The following KIAA1671 variants were observed in gnomAD, a reference collection of about 807,000 sequenced individuals.
The protein encoded by KIAA1671 is KIAA1671.
Under a neutral mutation model 131.2 loss-of-function variants are expected in KIAA1671, and 52 were observed. The observed-to-expected ratio is 0.40, with a 90% CI of 0.32 to 0.50. KIAA1671 has a LOEUF of 0.50. Ranked by LOEUF, KIAA1671 falls within the 20% of genes least tolerant of loss-of-function variation. KIAA1671 has a pLI of 0.73. For missense variants in KIAA1671, 2,360 were observed against 2,364.2 expected, an observed-to-expected ratio of 1.00 and a Z score of 0.04; for synonymous variants, 1,003 against 961.6, an observed-to-expected ratio of 1.04 and a Z score of -0.80.
At chr22:24,978,132 C>G (rs1923008975) in intron 1 of KIAA1671, among the ~76,000 whole-genome samples, 1 of 152,142 alleles carries the variant, frequency 6.6e-6, no homozygotes, top group Admixed American at 6.5e-5. Flanking sequence ...GGCTCTGTGT[C>G]CCCACCCAGA....
At position 25,174,287 on chromosome 22, in the gene KIAA1671, A is replaced by G; in HGVS notation, c.4697A>G (p.Gln1566Arg). 2.6e-6 allele frequency: 4 copies of G among 1,551,694 alleles called. No homozygotes were observed. The highest frequency in any genetic ancestry group is 3.5e-6 in the Non-Finnish European group (4 of 1,146,994). The change falls in exon 8 of 13, where the codon CAG becomes CGG. Residue 1566 changes from glutamine (Q) to arginine (R), a missense_variant. Gln to Arg is a conservative substitution (Grantham distance 43). This residue lies in a region of KIAA1671 where 1,161 missense variants were observed against 1,204.7 expected (regional missense o/e 0.96). Transcript: ENST00000358431. Reference protein sequence around the residue: ...PDSSATSTRKQPPSSRLSSLS... With the variant: ...PDSSATSTRKRPPSSRLSSLS... ...AGCAGTGCCACATCGACAAGGAAAC[A>G]GCCCCCCAGCAGCCGTTTGTCTTCT...
intron 9 of KIAA1671, among the ~76,000 whole-genome samples, chr22:25,180,559 T>C (rs1198087086): frequency 6.6e-6 from 1 of 151,388 alleles, no homozygotes; most frequent in Non-Finnish European, 1.5e-5. Context: ...GAAGAAAAAA[T>C]TTCTTCTTGC....
chr22:24,969,220 T>C (rs978405568), intron 1 of KIAA1671, among the ~76,000 whole-genome samples: 4 of 152,166 alleles, frequency 2.6e-5, no homozygotes, highest in Non-Finnish European at 5.9e-5. Flanking sequence ...TTGTTGAACA[T>C]TTCAAAATGT....
At chr22:25,035,942 A>G (rs1417944495) in intron 4 of KIAA1671, among the ~76,000 whole-genome samples, 4 of 152,158 alleles carry the variant, frequency 2.6e-5, no homozygotes, top group African/African-American at 9.6e-5. Context: ...GTGGTGGCTC[A>G]TGCCTATAAT....
At chr22:25,099,365 C>A (rs1543323) in intron 6 of KIAA1671, among the ~76,000 whole-genome samples, 1 of 152,022 alleles carries the variant, frequency 6.6e-6, no homozygotes, top group Non-Finnish European at 1.5e-5. Flanking sequence ...GGAGCCCTGC[C>A]CTAAACCGTG....
intron 6 of KIAA1671, among the ~76,000 whole-genome samples, chr22:25,133,923 G>T (rs989885282): frequency 6.6e-6 from 1 of 152,154 alleles, no homozygotes; most frequent in South Asian, 2.1e-4. Context: ...AGACATTGGT[G>T]TCCCTTCCAG....
intron 6 of KIAA1671, among the ~76,000 whole-genome samples, chr22:25,088,482 C>G (rs558721785): frequency 2.6e-5 from 4 of 152,110 alleles, no homozygotes; most frequent in African/African-American, 4.8e-5. Context: ...TACAGAGGTG[C>G]GGCCACCACA....
intron 6 of KIAA1671, among the ~76,000 whole-genome samples, chr22:25,142,034 C>T (rs1175120568): frequency 6.6e-6 from 1 of 152,118 alleles, no homozygotes; most frequent in African/African-American, 2.4e-5. Context: ...TGGGAAGCAC[C>T]TTATAAGCCA....
At chr22:25,071,011 G>C (rs1928789425) in intron 6 of KIAA1671, among the ~76,000 whole-genome samples, 1 of 152,212 alleles carries the variant, frequency 6.6e-6, no homozygotes, top group African/African-American at 2.4e-5. Flanking sequence ...GGTATAAAAT[G>C]CTTTCAGGTC....
At chr22:25,042,298 G>A (rs1926974800) in intron 5 of KIAA1671, among the ~76,000 whole-genome samples, 1 of 152,158 alleles carries the variant, frequency 6.6e-6, no homozygotes, top group African/African-American at 2.4e-5. Flanking sequence ...TGCTCCTGCT[G>A]TATAATAGCC....
chr22:25,042,764 C>T (rs377051315), intron 5 of KIAA1671, among the ~76,000 whole-genome samples: 3 of 151,972 alleles, frequency 2.0e-5, no homozygotes, highest in Non-Finnish European at 2.9e-5. Context: ...CGAGCCACTG[C>T]GCCCGGCCTG....
At chr22:25,127,269 A>C (rs1310905160) in intron 6 of KIAA1671, among the ~76,000 whole-genome samples, 1 of 152,176 alleles carries the variant, frequency 6.6e-6, no homozygotes, top group African/African-American at 2.4e-5. Flanking sequence ...AGGGCTGCTC[A>C]CAGCTTGGCA....
intron 6 of KIAA1671, among the ~76,000 whole-genome samples, chr22:25,129,443 G>A (rs1932332344): frequency 6.6e-6 from 1 of 150,912 alleles, no homozygotes; most frequent in South Asian, 2.1e-4. Context: ...GGAGGCAGAG[G>A]TTTCAGTGAG....
intron 6 of KIAA1671, among the ~76,000 whole-genome samples, chr22:25,117,822 C>T (rs1007352683): frequency 2.0e-5 from 3 of 152,026 alleles, no homozygotes; most frequent in Admixed American, 6.6e-5. Flanking sequence ...CTCACAGTTC[C>T]GGAGTCCAGA....
intron 7 of KIAA1671, 74 bp from the exon 8 acceptor site, chr22:25,174,166 C>G (rs1933943294): frequency 6.8e-7 from 1 of 1,480,138 alleles, no homozygotes; most frequent in Non-Finnish European, 9.1e-7. Context: ...CTGCCTGCAG[C>G]ATCCTTCACT....
intron 6 of KIAA1671, among the ~76,000 whole-genome samples, chr22:25,169,838 G>A (rs1473380596): frequency 6.6e-6 from 1 of 152,230 alleles, no homozygotes; most frequent in African/African-American, 2.4e-5. Context: ...GATTGATGTT[G>A]CCTGAAGCGC....
intron 6 of KIAA1671, among the ~76,000 whole-genome samples, chr22:25,072,897 C>T (rs1928905859): frequency 6.6e-6 from 1 of 152,156 alleles, no homozygotes; most frequent in African/African-American, 2.4e-5. Context: ...GTGCTCGCTC[C>T]CCTGCCACTC....
chr22:25,128,621 T>C (rs1189235534), intron 6 of KIAA1671, among the ~76,000 whole-genome samples: 1 of 152,142 alleles, frequency 6.6e-6, no homozygotes, highest in African/African-American at 2.4e-5. Flanking sequence ...TCTGGTTTTG[T>C]TCTCACTCCC....
At chr22:25,166,088 G>A (rs1933637722) in intron 6 of KIAA1671, among the ~76,000 whole-genome samples, 1 of 152,228 alleles carries the variant, frequency 6.6e-6, no homozygotes. Context: ...CATACAGGGC[G>A]AAGGATGCCA....
Sources: allele counts gnomAD v4.1 joint callset (sites outside exome capture counted in the v4.1 genomes callset), GRCh38; gene constraint gnomAD v4.1.1; regional missense constraint gnomAD v4.1.1; transcripts MANE v1.5; gene names NCBI Gene and HGNC (gene_info 2026-07-23, HGNC 2026-07-21).